The following SLC6A3 variants were observed in gnomAD, a reference collection of about 807,000 sequenced individuals.
The protein encoded by SLC6A3 is sodium-dependent dopamine transporter.
Under a neutral mutation model 70.4 loss-of-function variants are expected in SLC6A3, and 19 were observed. The ratio of observed to expected loss-of-function variants is 0.27; its 90% CI spans 0.19 to 0.40. The LOEUF (loss-of-function observed/expected upper bound fraction) is 0.40, where lower values mean the gene tolerates loss of function less well. SLC6A3 is among the 10% of genes least tolerant of loss of function. The probability of loss-of-function intolerance (pLI) is 1.00; values close to 1 mark genes in which losing one functional copy is unlikely to be tolerated. For synonymous variants in SLC6A3, 368 were observed against 356.6 expected (o/e 1.03, Z -0.36); for missense variants, 613 against 838.5 (o/e 0.73, Z 3.32).
rs1302114280 is a variant in SLC6A3, at chr5:1,401,100, C to T, written c.1768-114G>A. 1 of 795,958 alleles carries T rather than the reference C, an allele frequency of 1.3e-6. No homozygotes were observed. Among genetic ancestry groups the T allele is most frequent in the African/African-American group, 1.7e-5 (1 of 58,774 alleles). 49.3% of individuals were successfully genotyped at this position (795,958 alleles called of 1,614,324 possible). On this transcript the variant is annotated intron_variant, in intron 13 of 14. Coordinates refer to ENST00000270349, the MANE Select transcript of SLC6A3 (RefSeq NM_001044.5). The surrounding 1 kb of genome is among the most constrained non-coding windows in gnomAD (Gnocchi z 6.1). ...TACCAGCACCCTCACCACCAGCCCT[C>T]CTCACCTGCCAATGCCCACCCGCTG... is the stretch of plus-strand genomic sequence containing the variant.
chr5:1,436,457 T>C lies in SLC6A3; in HGVS notation c.419-3759A>G, dbSNP rs953079155. ...CTCGCGTTTCCAGGGAAAACATTCA[T>C]GAGAACATGGCGCTTCCCTTCCCTC... On this transcript the variant is annotated intron_variant, in intron 3 of 14. Transcript: ENST00000270349. This position sits in a 1 kb window ranked among gnomAD's most constrained non-coding sequence, Gnocchi z 5.2. Among the ~76,000 whole-genome samples, 1 of 152,170 alleles carries C rather than the reference T, an allele frequency of 6.6e-6. No individual in the cohort carries two copies. Among genetic ancestry groups the C allele is most frequent in the Non-Finnish European group, 1.5e-5 (1 of 68,028 alleles).
intron 14 of SLC6A3, among the ~76,000 whole-genome samples, chr5:1,395,245 G>A (rs376137352): frequency 1.1e-4 from 17 of 152,212 alleles, no homozygotes; most frequent in African/African-American, 3.4e-4. Flanking sequence ...CCGCGCGGGC[G>A]CAAGTGCAGC....
At chr5:1,429,087 A>G (rs1252796832) in intron 4 of SLC6A3, among the ~76,000 whole-genome samples, 1 of 152,154 alleles carries the variant, frequency 6.6e-6, no homozygotes, top group African/African-American at 2.4e-5. Context: ...CCACTCCCTG[A>G]TTACATGCGC....
In SLC6A3 at chr5:1,442,808, C is replaced by T. The variant is rs183741895; in HGVS notation, c.286+104G>A. The T allele has an allele frequency of 4.1e-4, 492 of 1,198,230 alleles. 5 individuals carry two copies. The African/African-American group carries it at 5.5e-3, about 13-fold the overall frequency. 74.2% of individuals were successfully genotyped at this position (1,198,230 alleles called of 1,614,324 possible). A position where few individuals can be genotyped will look rare whatever the true frequency, so the allele number is the denominator to read the frequency against. On this transcript the variant is annotated intron_variant, in intron 2 of 14. Transcript: ENST00000270349. The surrounding 1 kb of genome is among the most constrained non-coding windows in gnomAD (Gnocchi z 5.0). The stretch of plus-strand genomic sequence containing the variant: ...GCTCTCACAGGGAGCTCCGTCTTCA[C>T]GCATGGGAACAGCTTCATCTCGTTT...
intron 4 of SLC6A3, among the ~76,000 whole-genome samples, chr5:1,423,243 T>C (rs28407730): frequency 7.5e-4 from 24 of 32,060 alleles, no homozygotes; most frequent in African/African-American, 1.5e-3. Flanking sequence ...GTGCTGCCCA[T>C]GGTGCTGGGT....
chr5:1,439,106 C>T (rs149981910), intron 3 of SLC6A3, among the ~76,000 whole-genome samples: 5 of 152,304 alleles, frequency 3.3e-5, no homozygotes, highest in East Asian at 3.9e-4. Flanking sequence ...ATTTGACACG[C>T]GCCCCTGTCT....
rs1756418595 is a variant in SLC6A3, at chr5:1,420,826, A to G, written c.793-123T>C. On this transcript the variant is annotated intron_variant, in intron 5 of 14. Transcript: ENST00000270349. ...TCTGATTGGGAGGCCCAATTCCCAA[A>G]CATTTCCTGGGACGCCAGCTCAGCA... The G allele has an allele frequency of 2.5e-5, 26 of 1,029,832 alleles. 1 individual carries two copies. In the East Asian group the frequency reaches 6.3e-4, roughly 25 times the overall value. 63.8% of individuals were successfully genotyped at this position (1,029,832 alleles called of 1,614,324 possible). A position where few individuals can be genotyped will look rare whatever the true frequency, so the allele number is the denominator to read the frequency against.
In SLC6A3 at chr5:1,443,207, G is replaced by A. The variant is rs1459863978; in HGVS notation, c.-10C>T. 1.2e-6 allele frequency: 2 copies of A among 1,614,006 alleles called. No individual in the cohort carries two copies. Among genetic ancestry groups the A allele is most frequent in the South Asian group, 2.2e-5 (2 of 91,080 alleles). ...ATTTGCTCTTACTCATGGGCACACTGGGAGTTGAGGAATTCTGTGCTTCTT... is the reference window on the plus strand; with the variant it reads ...ATTTGCTCTTACTCATGGGCACACTAGGAGTTGAGGAATTCTGTGCTTCTT... On this transcript the variant is annotated 5_prime_UTR_variant, in exon 2 of 15. Transcript: ENST00000270349.
rs556891181 is a variant in SLC6A3, at chr5:1,438,008, C to T, written c.418+3351G>A. Among the ~76,000 whole-genome samples the T allele has an allele frequency of 6.6e-6, 1 of 152,202 alleles. No homozygotes were observed. The highest frequency in any genetic ancestry group is 1.5e-5 in the Non-Finnish European group (1 of 68,042). ...ATCTGATTTCATAAGCAATGTCAGT[C>T]TCCTCTAAACTGGCATCCTGCGCTT... On this transcript the variant is annotated intron_variant, in intron 3 of 14. Coordinates refer to ENST00000270349, the MANE Select transcript of SLC6A3 (RefSeq NM_001044.5). The surrounding 1 kb of genome is among the most constrained non-coding windows in gnomAD (Gnocchi z 6.5).
intron 4 of SLC6A3, among the ~76,000 whole-genome samples, chr5:1,430,237 T>C (rs1417603986): frequency 2.0e-5 from 3 of 152,068 alleles, no homozygotes; most frequent in African/African-American, 7.2e-5. Flanking sequence ...CTCTCTCCCA[T>C]CGTGGCACCG....
At position 1,438,193 on chromosome 5, in the gene SLC6A3, A is replaced by G. The variant is rs769846215; in HGVS notation, c.418+3166T>C. 3.3e-5 allele frequency among the ~76,000 whole-genome samples: 5 copies of G among 152,094 alleles called. No individual in the cohort carries two copies. Among genetic ancestry groups the G allele is most frequent in the Non-Finnish European group, 5.9e-5 (4 of 68,014 alleles). Reference sequence around the variant, plus strand: ...AACAGTTCACTTTCTGTGATTTGCAATTTTCCTTCCTCACCAGGACTAGGT... The same window carrying G: ...AACAGTTCACTTTCTGTGATTTGCAGTTTTCCTTCCTCACCAGGACTAGGT... On this transcript the variant is annotated intron_variant, in intron 3 of 14. Coordinates refer to ENST00000270349, the MANE Select transcript of SLC6A3 (RefSeq NM_001044.5). The surrounding 1 kb of genome is among the most constrained non-coding windows in gnomAD (Gnocchi z 6.5).
chr5:1,416,624 G>A (rs911296541), intron 6 of SLC6A3: 18 of 331,270 alleles, frequency 5.4e-5, no homozygotes, highest in South Asian at 1.0e-4. Flanking sequence ...AGAACAGCAC[G>A]GACTCACCCA....
At chr5:1,426,549 GA>G (rs1369423457) in intron 4 of SLC6A3, among the ~76,000 whole-genome samples, 2 of 152,048 alleles carry the variant, frequency 1.3e-5, no homozygotes, top group African/African-American at 4.8e-5. Flanking sequence ...CTCTAAAAAG[GA>G]AAAAGATAAA....
chr5:1,403,791 GT>G (rs1755907605), intron 12 of SLC6A3, among the ~76,000 whole-genome samples: 1 of 152,260 alleles, frequency 6.6e-6, no homozygotes, highest in Admixed American at 6.5e-5. Flanking sequence ...GTAACAGAGG[GT>G]GGGGTGGATG....
chr5:1,438,952 G>A lies in SLC6A3; in HGVS notation c.418+2407C>T, dbSNP rs1173101102. On this transcript the variant is annotated intron_variant, in intron 3 of 14. Transcript: ENST00000270349. This position sits in a 1 kb window ranked among gnomAD's most constrained non-coding sequence, Gnocchi z 6.5. ...TCAGATACTCTCCAACACGGACCAC[G>A]GTGCAAGCTCAGCATCGCTTACGAC... Among the ~76,000 whole-genome samples the A allele has an allele frequency of 1.3e-5, 2 of 152,172 alleles. No individual in the cohort carries two copies. The highest frequency in any genetic ancestry group is 2.1e-4 in the South Asian group (1 of 4,826).
intron 6 of SLC6A3, among the ~76,000 whole-genome samples, chr5:1,417,670 C>G (rs760842989): frequency 2.6e-5 from 4 of 152,276 alleles, no homozygotes; most frequent in Admixed American, 2.0e-4. Context: ...TTCAGTGACT[C>G]AGATGCCCAC....
At chr5:1,399,739 C>T (rs376020829) in intron 14 of SLC6A3, among the ~76,000 whole-genome samples, 22 of 152,158 alleles carry the variant, frequency 1.4e-4, no homozygotes, top group African/African-American at 3.9e-4. Context: ...AGGGTGCCAA[C>T]GGAGGGAGGC....
rs140054724 is a variant in SLC6A3, at chr5:1,404,955, C to T, written c.1599+1233G>A. On this transcript the variant is annotated intron_variant, in intron 12 of 14. Transcript: ENST00000270349. This position sits in a 1 kb window ranked among gnomAD's most constrained non-coding sequence, Gnocchi z 5.2. ...GAGACACCCCCTCAAGGGGAGCCAA[C>T]GTCCTCATGCAAAACAGCTCAGTTT... Among the ~76,000 whole-genome samples the T allele has an allele frequency of 1.3e-3, 200 of 152,342 alleles. 1 individual carries two copies. Among genetic ancestry groups the T allele is most frequent in the African/African-American group, 4.3e-3 (179 of 41,576 alleles).
rs8179029 is a variant in SLC6A3, at chr5:1,409,870, C to T, written c.1270-21G>A. On this transcript the variant is annotated intron_variant, in intron 9 of 14. Transcript: ENST00000270349. The stretch of plus-strand genomic sequence containing the variant: ...CCCATCTGCACACAGAGCACAGGGT[C>T]GGGCTGCAGGCTGGCGGCGCTCCTG... 0.18 allele frequency: 290,149 copies of T among 1,612,242 alleles called. 27,806 individuals are homozygous for T. The highest frequency in any genetic ancestry group is 0.21 in the Middle Eastern group (1,255 of 6,032).
Sources: allele counts gnomAD v4.1 joint callset (sites outside exome capture counted in the v4.1 genomes callset), GRCh38; gene constraint gnomAD v4.1.1; non-coding constraint Gnocchi (gnomAD v3.1); transcripts MANE v1.5; gene names NCBI Gene and HGNC (gene_info 2026-07-23, HGNC 2026-07-21).